Variants in NOTCH2 observed in about 807,000 individuals in gnomAD.
NOTCH2 encodes neurogenic locus notch homolog protein 2.
A neutral mutation model predicts 235.8 loss-of-function variants in NOTCH2; 29 were observed. That is an observed-to-expected ratio of 0.12 (90% CI 0.09 to 0.17). NOTCH2 has a LOEUF of 0.17. Ranked by LOEUF, NOTCH2 falls within the 10% of genes least tolerant of loss-of-function variation. The pLI is 1.00. For synonymous variants in NOTCH2, 1,086 were observed against 1,141.5 expected (o/e 0.95, Z 0.98); for missense variants, 2,285 against 3,150.2 (o/e 0.73, Z 6.57).
chr1:119,951,270 C>G (rs782408599), intron 14 of NOTCH2, among the ~76,000 whole-genome samples: 6 of 152,272 alleles, frequency 3.9e-5, no homozygotes, highest in Non-Finnish European at 7.3e-5. Flanking sequence ...CCCACCTCAG[C>G]CTCCTGAGTA....
chr1:119,919,148 G>A (rs1446363768), intron 31 of NOTCH2, among the ~76,000 whole-genome samples, 164 bp downstream of exon 31: 1 of 152,196 alleles, frequency 6.6e-6, no homozygotes, highest in Non-Finnish European at 1.5e-5. Flanking sequence ...CAATTTGCCT[G>A]CCTCCCTTTT....
chr1:119,955,275 A>G, intron 12 of NOTCH2, 43 bp from the exon 13 acceptor site: 1 of 1,595,108 alleles, frequency 6.3e-7, no homozygotes, highest in Non-Finnish European at 8.6e-7. Context: ...CTAAATGCTT[A>G]GGAAATAGAC....
At chr1:120,011,794 A>G (rs1279564961) in intron 2 of NOTCH2, among the ~76,000 whole-genome samples, 1 of 152,006 alleles carries the variant, frequency 6.6e-6, no homozygotes, top group African/African-American at 2.4e-5. Context: ...AGGCAGGCAG[A>G]TCACCAGGTC....
intron 15 of NOTCH2, 127 bp downstream of exon 15, chr1:119,950,597 A>C (rs1650434749): frequency 1.3e-6 from 1 of 744,194 alleles, no homozygotes; most frequent in East Asian, 2.5e-5. Context: ...AAAGGCAGGA[A>C]GGACAACTGA....
Position 119,915,650 on chromosome 1 carries a change from T to C in NOTCH2, c.7072A>G (p.Met2358Val), listed in dbSNP as rs763117840. 2.4e-5 allele frequency: 39 copies of C among 1,614,038 alleles called. No individual in the cohort carries two copies. Among genetic ancestry groups the C allele is most frequent in the Non-Finnish European group, 3.2e-5 (38 of 1,179,998 alleles). ...GCTACCTGCCCGTCCTGCTGGGGCA[T>C]CATGGCAGTGGGGAAAGCCACACTG... ...LPSVAFPTAM[M>V]PQQDGQVAQT... The change falls in exon 34 of 34, where the codon ATG becomes GTG. Residue 2358 changes from methionine to valine, a missense_variant. Physicochemically the swap from Met to Val is conservative, Grantham distance 21. Coordinates refer to ENST00000256646, the MANE Select transcript of NOTCH2 (RefSeq NM_024408.4).
intron 2 of NOTCH2, among the ~76,000 whole-genome samples, chr1:120,007,025 G>C (rs1319620386): frequency 3.9e-5 from 6 of 152,234 alleles, no homozygotes; most frequent in Admixed American, 6.5e-5. Flanking sequence ...AATAGCTATA[G>C]TGGTAGTGAG....
intron 22 of NOTCH2, among the ~76,000 whole-genome samples, chr1:119,929,552 A>C (rs1553194858): frequency 6.6e-6 from 1 of 152,256 alleles, no homozygotes; most frequent in Non-Finnish European, 1.5e-5. Flanking sequence ...TTTCCAAAGT[A>C]TAATCCAAAA....
At chr1:120,017,655 T>C (rs1456512062) in intron 2 of NOTCH2, among the ~76,000 whole-genome samples, 4 of 148,498 alleles carry the variant, frequency 2.7e-5, no homozygotes, top group African/African-American at 1.0e-4. Context: ...ATTCCTGATA[T>C]ATAGACTACT....
intron 18 of NOTCH2, among the ~76,000 whole-genome samples, chr1:119,940,990 C>T (rs1314603282): frequency 2.0e-5 from 3 of 152,220 alleles, no homozygotes; most frequent in Non-Finnish European, 4.4e-5. Flanking sequence ...TAGATACCTA[C>T]AGAAAATGAA....
chr1:119,959,658 T>A (rs1247209562), intron 11 of NOTCH2, among the ~76,000 whole-genome samples, 156 bp from the exon 12 acceptor site: 1 of 152,190 alleles, frequency 6.6e-6, no homozygotes, highest in Non-Finnish European at 1.5e-5. Flanking sequence ...GTCCACAGAC[T>A]CGTTCAGGAA....
At chr1:119,969,205 GA>G (rs1553200077) in intron 6 of NOTCH2, among the ~76,000 whole-genome samples, 1 of 152,190 alleles carries the variant, frequency 6.6e-6, no homozygotes, top group African/African-American at 2.4e-5. Context: ...CTTAATAGCT[GA>G]GGTGCTTTTC....
Position 119,919,610 on chromosome 1 carries a change from C to T in NOTCH2, c.5483G>A (p.Gly1828Asp). 6.2e-7 allele frequency: 1 copy of T among 1,613,802 alleles called. No homozygotes were observed. The highest frequency in any genetic ancestry group is 8.5e-7 in the Non-Finnish European group (1 of 1,179,916). ...AGAAGCCAACATCAATGGGGTGCAG[C>T]CATCTGTAGGAATGGAAAATTCCAT... ...VLDVNVRGPD[G>D]CTPLMLASLR... Residue 1828 changes from glycine (G) to aspartate (D), a missense_variant, in exon 31 of 34, where the codon GGC (glycine) becomes GAC (aspartate). Gly to Asp is a moderately conservative substitution (Grantham distance 94). Transcript: ENST00000256646.
Position 119,949,082 on chromosome 1 carries a change from A to G in NOTCH2, c.2524T>C (p.Cys842Arg). 1.2e-6 allele frequency: 2 copies of G among 1,614,192 alleles called. No homozygotes were observed. The highest frequency in any genetic ancestry group is 1.7e-6 in the Non-Finnish European group (2 of 1,180,016). The stretch of plus-strand genomic sequence containing the variant: ...TCTTTGCAAACAGCAGCATTCTCAC[A>G]AGGGTTTGGGGAACAGGGAGCCAAT... Reference protein sequence around the residue: ...TVLAPCSPNPCENAAVCKESP... With the variant: ...TVLAPCSPNPRENAAVCKESP... The change falls in exon 16 of 34, where the codon TGT (cysteine) becomes CGT (arginine). Residue 842 changes from cysteine (C) to arginine (R), a missense_variant. Coordinates refer to ENST00000256646, the MANE Select transcript of NOTCH2 (RefSeq NM_024408.4).
At position 119,929,038 on chromosome 1, in the gene NOTCH2, C is replaced by T. The variant is rs1649566090; in HGVS notation, c.3830G>A (p.Gly1277Asp). ...ECLSNPCSSE[G>D]SLDCIQLTND... Reference sequence around the variant, plus strand: ...GGTGAGCTGTATACAGTCCAGGCTGCCCTCAGAGCTGCAGGGGTTGGAGAG... The same window carrying T: ...GGTGAGCTGTATACAGTCCAGGCTGTCCTCAGAGCTGCAGGGGTTGGAGAG... Residue 1277 changes from glycine (G) to aspartate (D), a missense_variant, in exon 23 of 34, where the codon GGC (glycine) becomes GAC (aspartate). This residue lies in a region of NOTCH2 where 1,173 missense variants were observed against 1,515.3 expected (regional missense o/e 0.77). Transcript: ENST00000256646. 6.2e-7 allele frequency: 1 copy of T among 1,614,040 alleles called. No homozygotes were observed.
At chr1:119,994,351 G>A (rs1652346809) in intron 4 of NOTCH2, 1 of 119,808 alleles carries the variant, frequency 8.3e-6, no homozygotes, top group Non-Finnish European at 1.7e-5. Context: ...CTTACAAACT[G>A]TATAAATAAC....
At chr1:120,048,503 C>T (rs1654892743) in intron 1 of NOTCH2, among the ~76,000 whole-genome samples, 1 of 113,700 alleles carries the variant, frequency 8.8e-6, no homozygotes, top group South Asian at 3.3e-4. Flanking sequence ...GACAGATGTG[C>T]AGTGGCATAA....
chr1:119,977,010 AG>A (rs1234483746), intron 5 of NOTCH2, among the ~76,000 whole-genome samples: 1 of 152,088 alleles, frequency 6.6e-6, no homozygotes, highest in African/African-American at 2.4e-5. Context: ...CATTTAGTAC[AG>A]TTCAAAATTT....
chr1:120,039,169 A>C (rs1262397985), intron 1 of NOTCH2, among the ~76,000 whole-genome samples: 1 of 152,136 alleles, frequency 6.6e-6, no homozygotes, highest in Non-Finnish European at 1.5e-5. Flanking sequence ...CAGTGTAATA[A>C]AACCCAACAG....
At chr1:119,921,279 G>A (rs1649276763) in intron 29 of NOTCH2, among the ~76,000 whole-genome samples, 1 of 152,146 alleles carries the variant, frequency 6.6e-6, no homozygotes, top group Admixed American at 6.5e-5. Flanking sequence ...AGCCTCCAAT[G>A]TCAACGTTTT....
Sources: gnomAD v4.1 joint callset for allele counts (sites outside exome capture counted in the v4.1 genomes callset) on GRCh38, gnomAD v4.1.1 for gene constraint, gnomAD v4.1.1 regional missense constraint, MANE v1.5 for transcripts, NCBI Gene and HGNC (gene_info 2026-07-23, HGNC 2026-07-21) for gene names.